CNTNAP3B: variants seen among roughly 807,000 people sequenced by gnomAD.
CNTNAP3B encodes contactin associated protein family member 3B, also known as contactin-associated protein-like 3B.
A neutral mutation model predicts 108.9 loss-of-function variants in CNTNAP3B; 25 were observed. That is an observed-to-expected ratio of 0.23 (90% confidence interval 0.17 to 0.32). The LOEUF is 0.32. Ranked by LOEUF, CNTNAP3B falls within the 10% of genes least tolerant of loss-of-function variation. CNTNAP3B has a pLI of 1.00. For synonymous variants in CNTNAP3B, 103 were observed against 473.4 expected (o/e 0.22, Z 10.16); for missense variants, 252 against 1,210.4 (o/e 0.21, Z 11.75).
At chr9:42,030,813 G>GC (rs1156882673) in intron 3 of CNTNAP3B, among the ~76,000 whole-genome samples, 13 of 65,734 alleles carry the variant, frequency 2.0e-4, no homozygotes, top group African/African-American at 3.9e-4. Context: ...GAGAGAGAGA[G>GC]GAGAGAGAGA....
At chr9:41,994,043 C>T (rs1489120785) in intron 7 of CNTNAP3B, 3 of 139,704 alleles carry the variant, frequency 2.1e-5, no homozygotes, top group Admixed American at 2.1e-4. Flanking sequence ...TCAGCGAACC[C>T]ATCAGTAATT....
rs1393618763 is a variant in CNTNAP3B at position 42,086,444 on chromosome 9, CA to C, written c.197-9383del. ...TTTTTGCATTTACTTTTTTTTTTTA[CA>C]TTTTTTTTTACATTTTACAACAGGC... On this transcript the variant is annotated intron_variant, in intron 2 of 23. Transcript: ENST00000377561. Among the ~76,000 whole-genome samples, 19 of 135,244 alleles carry C rather than the reference CA, an allele frequency of 1.4e-4. 1 individual carries two copies. Among genetic ancestry groups the C allele is most frequent in the African/African-American group, 5.6e-4 (19 of 33,886 alleles). 88.7% of individuals were successfully genotyped at this position (135,244 alleles called of 152,430 possible). A position where few individuals can be genotyped will look rare whatever the true frequency, so the allele number is the denominator to read the frequency against.
At chr9:41,948,559 A>G (rs1824596031) in intron 13 of CNTNAP3B, among the ~76,000 whole-genome samples, 1 of 150,652 alleles carries the variant, frequency 6.6e-6, no homozygotes, top group Admixed American at 6.6e-5. Context: ...ACATATCAAT[A>G]TCTCTTATGA....
intron 14 of CNTNAP3B, among the ~76,000 whole-genome samples, chr9:41,930,644 T>G (rs1291833304): frequency 1.3e-5 from 2 of 152,412 alleles, no homozygotes; most frequent in South Asian, 2.1e-4. Context: ...AAAAAATATA[T>G]TTTAGTCTCT....
chr9:41,943,516 C>A (rs1327803219), intron 13 of CNTNAP3B, among the ~76,000 whole-genome samples: 1 of 151,982 alleles, frequency 6.6e-6, no homozygotes, highest in Non-Finnish European at 1.5e-5. Flanking sequence ...CCACGCCCAG[C>A]TAATTTTTTG....
At position 42,115,437 on chromosome 9, in the gene CNTNAP3B, C is replaced by T. The variant is rs200295755; in HGVS notation, c.86-10698G>A. Reference sequence around the variant, plus strand: ...TCCTTAAGTGGGTCCCTGACCCCTGCGTAGCCTAACTGGGAGACAACTCCC... The same window carrying T: ...TCCTTAAGTGGGTCCCTGACCCCTGTGTAGCCTAACTGGGAGACAACTCCC... On this transcript the variant is annotated intron_variant, in intron 1 of 23. Coordinates refer to ENST00000377561, the MANE Select transcript of CNTNAP3B (RefSeq NM_001201380.3). Among the ~76,000 whole-genome samples the T allele has an allele frequency of 6.5e-5, 9 of 139,012 alleles. 2 individuals carry two copies. Among genetic ancestry groups the T allele is most frequent in the African/African-American group, 2.3e-4 (8 of 34,994 alleles). The allele number at this position is 139,012 out of a possible 152,430, so 91.2% of individuals were successfully genotyped here.
At chr9:42,054,594 T>G (rs1275881888) in intron 3 of CNTNAP3B, among the ~76,000 whole-genome samples, 1 of 151,604 alleles carries the variant, frequency 6.6e-6, no homozygotes, top group Non-Finnish European at 1.5e-5. Flanking sequence ...CCAGGTGCTG[T>G]CTGCACCACA....
chr9:42,129,225 T>A lies in CNTNAP3B; in HGVS notation c.-131A>T, dbSNP rs1361441384. The stretch of plus-strand genomic sequence containing the variant: ...GCTGCTCTGTCTCCCCTGTCCAGTC[T>A]CTAGCTCTCTTCCTCACGCACTGGC... On this transcript the variant is annotated 5_prime_UTR_variant, in exon 1 of 24. Transcript: ENST00000377561. The A allele has an allele frequency of 3.8e-5, 51 of 1,325,416 alleles. No homozygotes were observed. In the South Asian group the frequency reaches 6.8e-4, roughly 18 times the overall value. 82.1% of individuals were successfully genotyped at this position (1,325,416 alleles called of 1,614,324 possible).
intron 1 of CNTNAP3B, among the ~76,000 whole-genome samples, chr9:42,116,073 G>A (rs1301506306): frequency 7.2e-6 from 1 of 139,832 alleles, no homozygotes; most frequent in Non-Finnish European, 1.5e-5. Context: ...CATGACGCAT[G>A]CACAAGCTTC....
rs542113908 is a variant in CNTNAP3B, at chr9:42,123,712, AC to A, written c.85+5297del. Among the ~76,000 whole-genome samples, 13 of 138,190 alleles carry A rather than the reference AC, an allele frequency of 9.4e-5. 2 individuals carry two copies. The South Asian group carries it at 2.1e-3, about 22-fold the overall frequency. 90.7% of individuals were successfully genotyped at this position (138,190 alleles called of 152,430 possible). A position where few individuals can be genotyped will look rare whatever the true frequency, so the allele number is the denominator to read the frequency against. On this transcript the variant is annotated intron_variant, in intron 1 of 23. Transcript: ENST00000377561. ...CCTGAGAAGCAATGACATTCAATAA[AC>A]TTTTTTCCACGGGATTTAGTTACAA...
intron 18 of CNTNAP3B, among the ~76,000 whole-genome samples, chr9:41,916,086 A>G (rs1261741579): frequency 1.4e-5 from 2 of 148,016 alleles, no homozygotes; most frequent in Non-Finnish European, 3.0e-5. Flanking sequence ...AAAATCTGAG[A>G]AAAGAAACAA....
chr9:41,940,822 A>G (rs1274235692), intron 13 of CNTNAP3B, among the ~76,000 whole-genome samples: 1 of 152,312 alleles, frequency 6.6e-6, no homozygotes, highest in East Asian at 1.9e-4. Context: ...CTCCAAAACA[A>G]TAACAACAAC....
intron 14 of CNTNAP3B, among the ~76,000 whole-genome samples, chr9:41,933,650 T>C (rs1824048753): frequency 1.3e-5 from 2 of 152,284 alleles, no homozygotes; most frequent in Non-Finnish European, 2.9e-5. Flanking sequence ...AACTCTCATT[T>C]TTCCTGATAT....
At chr9:41,940,644 G>A (rs1194659869) in intron 13 of CNTNAP3B, among the ~76,000 whole-genome samples, 27 of 152,302 alleles carry the variant, frequency 1.8e-4, no homozygotes, top group Non-Finnish European at 3.7e-4. Context: ...GTGAAACCCC[G>A]TCTCTACTAA....
intron 13 of CNTNAP3B, among the ~76,000 whole-genome samples, chr9:41,947,282 C>T (rs1824555895): frequency 6.6e-6 from 1 of 152,082 alleles, no homozygotes; most frequent in South Asian, 2.1e-4. Flanking sequence ...CAAACCTCAA[C>T]ATATTTAAAA....
At chr9:41,991,549 TCACTA>T in intron 8 of CNTNAP3B, 56 bp downstream of exon 8, 4 of 922,760 alleles carry the variant, frequency 4.3e-6, no homozygotes, top group Non-Finnish European at 6.6e-6. Flanking sequence ...CCTCACTCAC[TCACTA>T]ATTACCAAAT....
chr9:41,927,570 G>T (rs1446956066), intron 15 of CNTNAP3B, among the ~76,000 whole-genome samples: 6 of 151,436 alleles, frequency 4.0e-5, no homozygotes, highest in Non-Finnish European at 8.8e-5. Context: ...AGGAAGGAAG[G>T]AGCCATCTGA....
At chr9:41,955,884 G>T (rs1219227015) in intron 12 of CNTNAP3B, among the ~76,000 whole-genome samples, 1 of 152,240 alleles carries the variant, frequency 6.6e-6, no homozygotes, top group African/African-American at 2.4e-5. Flanking sequence ...AGTTGCATCT[G>T]GATGAACTTA....
At chr9:41,948,042 A>AAT (rs1554741496) in intron 13 of CNTNAP3B, among the ~76,000 whole-genome samples, 1 of 148,248 alleles carries the variant, frequency 6.7e-6, no homozygotes, top group East Asian at 2.0e-4. Context: ...CTGAAAAAAA[A>AAT]TCTCTTGGCC....
Sources: allele counts gnomAD v4.1 joint callset (sites outside exome capture counted in the v4.1 genomes callset), GRCh38; gene constraint gnomAD v4.1.1; transcripts MANE v1.5; gene names NCBI Gene and HGNC (gene_info 2026-07-23, HGNC 2026-07-21).